Variants in PLD5 observed in about 807,000 individuals in gnomAD.
The protein encoded by PLD5 is phospholipase D family member 5.
PLD5 carries 36 observed loss-of-function variants against 61.1 expected under a neutral mutation model. The observed-to-expected ratio is 0.59, with a 90% CI of 0.45 to 0.78. The LOEUF is 0.78. Ranked by LOEUF, PLD5 falls within the 30% of genes least tolerant of loss-of-function variation. PLD5 has a pLI of 0.00. For synonymous variants in PLD5, 243 were observed against 242.8 expected (o/e 1.00, Z -0.01); for missense variants, 515 against 644.4 (o/e 0.80, Z 2.17).
chr1:242,480,051 G>GAA (rs199551635), intron 1 of PLD5, among the ~76,000 whole-genome samples: 74 of 132,316 alleles, frequency 5.6e-4, no homozygotes, highest in East Asian at 1.8e-3. Flanking sequence ...CTCTGTCTCA[G>GAA]AAAAAAAAAA....
intron 1 of PLD5, among the ~76,000 whole-genome samples, chr1:242,494,121 C>T (rs1228923996): frequency 6.3e-5 from 9 of 143,154 alleles, no homozygotes; most frequent in African/African-American, 2.4e-4. Context: ...CTCCCCTCTC[C>T]TCCCCTCTCC....
chr1:242,090,165 C>T, intron 9 of PLD5, 55 bp from the exon 10 acceptor site: 1 of 1,584,388 alleles, frequency 6.3e-7, no homozygotes, highest in Non-Finnish European at 8.6e-7. Flanking sequence ...GGGAACATAC[C>T]CAATATAATG....
chr1:242,251,225 G>T (rs1336123203), intron 4 of PLD5, among the ~76,000 whole-genome samples: 2 of 152,132 alleles, frequency 1.3e-5, no homozygotes, highest in African/African-American at 4.8e-5. Context: ...GATGAATGAA[G>T]CCACAGAAGC....
intron 5 of PLD5, among the ~76,000 whole-genome samples, chr1:242,176,216 T>C (rs1667131186): frequency 1.3e-5 from 2 of 152,162 alleles, no homozygotes; most frequent in East Asian, 1.9e-4. Context: ...AAAAACAGCA[T>C]GGTACTGGTA....
intron 9 of PLD5, among the ~76,000 whole-genome samples, chr1:242,094,251 C>T (rs1183837682): frequency 1.3e-5 from 2 of 152,050 alleles, no homozygotes; most frequent in Non-Finnish European, 2.9e-5. Flanking sequence ...TGGGAAGGTG[C>T]ATGGGCCTTC....
intron 5 of PLD5, among the ~76,000 whole-genome samples, chr1:242,206,415 A>G (rs1433531425): frequency 6.6e-6 from 1 of 152,196 alleles, no homozygotes; most frequent in Non-Finnish European, 1.5e-5. Context: ...GAGAAGCAGA[A>G]CCAACAGGAT....
intron 5 of PLD5, among the ~76,000 whole-genome samples, chr1:242,171,185 G>C (rs1386693082): frequency 6.6e-6 from 1 of 152,226 alleles, no homozygotes; most frequent in Non-Finnish European, 1.5e-5. Flanking sequence ...ACTAACAGTA[G>C]ATCTCTCTGC....
At chr1:242,442,003 G>A (rs1666297542) in intron 1 of PLD5, among the ~76,000 whole-genome samples, 1 of 152,206 alleles carries the variant, frequency 6.6e-6, no homozygotes. Flanking sequence ...TCAGCTGTAA[G>A]CTTCTGTATA....
intron 1 of PLD5, among the ~76,000 whole-genome samples, chr1:242,492,957 T>A (rs1268500751): frequency 6.6e-6 from 1 of 152,158 alleles, no homozygotes; most frequent in East Asian, 1.9e-4. Flanking sequence ...GGAGGTAGGA[T>A]TTCAATATAT....
chr1:242,121,781 A>G (rs1303826320), intron 6 of PLD5, among the ~76,000 whole-genome samples: 1 of 152,126 alleles, frequency 6.6e-6, no homozygotes, highest in Non-Finnish European at 1.5e-5. Context: ...ATGAGTTCAC[A>G]TCCTTTGTAG....
intron 3 of PLD5, among the ~76,000 whole-genome samples, chr1:242,286,489 G>A (rs1675032584): frequency 6.6e-6 from 1 of 152,126 alleles, no homozygotes; most frequent in African/African-American, 2.4e-5. Context: ...CCAGAGACGG[G>A]AAACTGGGGG....
chr1:242,289,924 C>T (rs2754471), intron 2 of PLD5, among the ~76,000 whole-genome samples: 140,984 of 149,242 alleles, frequency 0.94, 66,951 homozygotes, highest in Non-Finnish European at 0.99. Context: ...TTGATCAACC[C>T]AAAATATTAT....
At chr1:242,154,624 C>T (rs1333042089) in intron 5 of PLD5, among the ~76,000 whole-genome samples, 1 of 152,098 alleles carries the variant, frequency 6.6e-6, no homozygotes, top group Non-Finnish European at 1.5e-5. Flanking sequence ...GTCATTGGTT[C>T]TGTTTATGTA....
intron 1 of PLD5, among the ~76,000 whole-genome samples, chr1:242,392,359 C>T (rs1261526557): frequency 6.6e-6 from 1 of 152,170 alleles, no homozygotes; most frequent in African/African-American, 2.4e-5. Flanking sequence ...CTCAGTGTTA[C>T]TCTATACTCC....
At chr1:242,247,550 A>G (rs1672461588) in intron 4 of PLD5, among the ~76,000 whole-genome samples, 1 of 152,108 alleles carries the variant, frequency 6.6e-6, no homozygotes, top group Non-Finnish European at 1.5e-5. Flanking sequence ...CAAAGAGTCT[A>G]TTTTGTCAGT....
chr1:242,201,831 C>G (rs946171656), intron 5 of PLD5, among the ~76,000 whole-genome samples: 13 of 152,092 alleles, frequency 8.5e-5, no homozygotes, highest in Non-Finnish European at 1.5e-4. Flanking sequence ...AATTCTCCAC[C>G]ATTTTGAAGA....
upstream of PLD5, among the ~76,000 whole-genome samples, chr1:242,524,894 C>T (rs1031248860): frequency 1.3e-5 from 2 of 152,020 alleles, no homozygotes; most frequent in African/African-American, 4.8e-5. Context: ...ACACCTCTCC[C>T]TGGCGCATCT....
At chr1:242,129,804 C>G (rs1663091703) in intron 5 of PLD5, among the ~76,000 whole-genome samples, 1 of 152,116 alleles carries the variant, frequency 6.6e-6, no homozygotes, top group African/African-American at 2.4e-5. Flanking sequence ...ATGCTCTCAC[C>G]CTTCTGAATC....
intron 7 of PLD5, among the ~76,000 whole-genome samples, chr1:242,109,201 C>T (rs557690767): frequency 9.2e-4 from 140 of 152,228 alleles, no homozygotes; most frequent in South Asian, 2.3e-3. Flanking sequence ...ACAGTGGGGC[C>T]GGCACGGTGG....
Sources: gnomAD v4.1 joint callset for allele counts (sites outside exome capture counted in the v4.1 genomes callset) on GRCh38, gnomAD v4.1.1 for gene constraint, MANE v1.5 for transcripts, NCBI Gene and HGNC (gene_info 2026-07-23, HGNC 2026-07-21) for gene names.